The following TBC1D22A variants were observed in gnomAD, a reference collection of about 807,000 sequenced individuals.
The protein encoded by TBC1D22A is putative GTPase activator.
Under a neutral mutation model 60.2 loss-of-function variants are expected in TBC1D22A, and 38 were observed. The observed-to-expected ratio is 0.63, with a 90% CI of 0.49 to 0.83. The LOEUF is 0.83. Among genes scored for constraint, TBC1D22A ranks in the 40% least tolerant of loss-of-function variants. The pLI, the probability that TBC1D22A is intolerant of heterozygous loss-of-function variation, is 0.00. For missense variants in TBC1D22A, 628 were observed against 701.0 expected, an observed-to-expected ratio of 0.90 and a Z score of 1.18; for synonymous variants, 302 against 281.7, an observed-to-expected ratio of 1.07 and a Z score of -0.72.
In TBC1D22A at chr22:46,774,146, C is replaced by G. The variant is rs186895700; in HGVS notation, c.62+11298C>G. The G allele has an allele frequency of 1.8e-4, 180 of 985,612 alleles. No homozygotes were observed. In the African/African-American group the frequency reaches 2.9e-3, roughly 16 times the overall value. 61.1% of individuals were successfully genotyped at this position (985,612 alleles called of 1,614,324 possible). On this transcript the variant is annotated intron_variant, in intron 1 of 12. Transcript: ENST00000337137. Reference sequence around the variant, plus strand: ...TGCTGGGCCTGCCTGCCCTTGGAGCCCTGCTGAGCTCAGCCTGAGGCCTGG... The same window carrying G: ...TGCTGGGCCTGCCTGCCCTTGGAGCGCTGCTGAGCTCAGCCTGAGGCCTGG...
In TBC1D22A at chr22:47,115,557, G is replaced by T. The variant is rs200416282; in HGVS notation, c.1425+3954G>T. On this transcript the variant is annotated intron_variant, in intron 12 of 12. Coordinates refer to ENST00000337137, the MANE Select transcript of TBC1D22A (RefSeq NM_014346.5). ...GAAAGTTGTGTGTCCCGCGGTGCCC[G>T]CTTGGTGCCCTCTACCCCGTCCTTG... is the stretch of plus-strand genomic sequence containing the variant. 2.0e-5 allele frequency among the ~76,000 whole-genome samples: 3 copies of T among 152,310 alleles called. No individual in the cohort carries two copies. The East Asian group carries it at 5.8e-4, about 29-fold the overall frequency.
intron 12 of TBC1D22A, among the ~76,000 whole-genome samples, chr22:47,145,821 C>T (rs911822449): frequency 1.7e-4 from 26 of 152,138 alleles, no homozygotes; most frequent in South Asian, 2.1e-4. Flanking sequence ...CAGCCTGGGT[C>T]GGCCTCAGCC....
chr22:47,085,329 A>G (rs964710990), intron 11 of TBC1D22A, among the ~76,000 whole-genome samples: 2 of 152,208 alleles, frequency 1.3e-5, no homozygotes, highest in Non-Finnish European at 2.9e-5. Context: ...ACCATTTAAA[A>G]CTATAAAAAT....
At chr22:47,035,087 C>T (rs1364491077) in intron 10 of TBC1D22A, among the ~76,000 whole-genome samples, 1 of 152,122 alleles carries the variant, frequency 6.6e-6, no homozygotes, top group African/African-American at 2.4e-5. Flanking sequence ...GTAGTCTGCG[C>T]CAGACCTCTT....
At chr22:47,059,796 C>T (rs2063508843) in intron 11 of TBC1D22A, among the ~76,000 whole-genome samples, 1 of 152,176 alleles carries the variant, frequency 6.6e-6, no homozygotes, top group Non-Finnish European at 1.5e-5. Flanking sequence ...TTTACGGTAA[C>T]AGCAGGGATC....
At chr22:46,856,487 T>C (rs182926820) in intron 4 of TBC1D22A, among the ~76,000 whole-genome samples, 36 of 152,364 alleles carry the variant, frequency 2.4e-4, no homozygotes, top group Non-Finnish European at 4.6e-4. Flanking sequence ...TGAAAGGATT[T>C]AGATTTTTAA....
At chr22:47,146,881 C>G (rs2067303888) in intron 12 of TBC1D22A, among the ~76,000 whole-genome samples, 1 of 152,218 alleles carries the variant, frequency 6.6e-6, no homozygotes, top group Non-Finnish European at 1.5e-5. Context: ...GGCTGTCTGC[C>G]CACCCGGAAA....
intron 8 of TBC1D22A, among the ~76,000 whole-genome samples, chr22:46,964,402 G>T (rs1006273994): frequency 6.6e-6 from 1 of 152,226 alleles, no homozygotes; most frequent in Non-Finnish European, 1.5e-5. Flanking sequence ...AGCCAGGAAG[G>T]CCTGAGAAGC....
At chr22:47,022,004 C>A (rs1313226652) in intron 10 of TBC1D22A, among the ~76,000 whole-genome samples, 1 of 152,224 alleles carries the variant, frequency 6.6e-6, no homozygotes, top group Admixed American at 6.5e-5. Flanking sequence ...CCCTTCCACT[C>A]CACAGGCTGG....
intron 4 of TBC1D22A, among the ~76,000 whole-genome samples, chr22:46,836,883 G>C (rs1178458810): frequency 6.6e-6 from 1 of 152,088 alleles, no homozygotes; most frequent in African/African-American, 2.4e-5. Flanking sequence ...AAGAGGTTGG[G>C]TGCAGTGGCT....
chr22:47,138,375 A>G (rs2066954080), intron 12 of TBC1D22A, among the ~76,000 whole-genome samples: 1 of 151,204 alleles, frequency 6.6e-6, no homozygotes, highest in Admixed American at 6.6e-5. Context: ...GAGCAGTAGG[A>G]CACACAGACC....
intron 9 of TBC1D22A, among the ~76,000 whole-genome samples, chr22:46,974,884 G>A (rs576004696): frequency 1.0e-3 from 155 of 152,358 alleles, no homozygotes; most frequent in African/African-American, 3.2e-3. Context: ...AGAGCAACAC[G>A]AGCTGGTGGG....
At chr22:46,775,138 C>G (rs1491001598) in intron 1 of TBC1D22A, among the ~76,000 whole-genome samples, 1 of 152,236 alleles carries the variant, frequency 6.6e-6, no homozygotes, top group African/African-American at 2.4e-5. Context: ...GAGGACAGGG[C>G]AGAGGACCCG....
Position 46,953,101 on chromosome 22 carries a change from G to A in TBC1D22A, c.1016-21189G>A, listed in dbSNP as rs567563598. ...GGGGTCATACTTCACTTCCTTGAGG[G>A]GAGAGCATGTTCAGAAATTATTTGG... On this transcript the variant is annotated intron_variant, in intron 8 of 12. Coordinates refer to ENST00000337137, the MANE Select transcript of TBC1D22A (RefSeq NM_014346.5). 2.6e-5 allele frequency among the ~76,000 whole-genome samples: 4 copies of A among 152,210 alleles called. No homozygotes were observed. In the East Asian group the frequency reaches 7.7e-4, roughly 29 times the overall value.
chr22:47,101,126 G>A (rs1387093618), intron 11 of TBC1D22A, among the ~76,000 whole-genome samples: 1 of 152,194 alleles, frequency 6.6e-6, no homozygotes, highest in East Asian at 1.9e-4. Context: ...TTTCATTAGC[G>A]ATTAAGAGAG....
chr22:47,038,851 T>C (rs959304815), intron 11 of TBC1D22A, among the ~76,000 whole-genome samples: 3 of 152,218 alleles, frequency 2.0e-5, no homozygotes, highest in African/African-American at 7.2e-5. Flanking sequence ...GCCAGCAGCA[T>C]TTGCTGGGAC....
At position 46,996,561 on chromosome 22, in the gene TBC1D22A, A is replaced by G. The variant is rs141454146; in HGVS notation, c.1126-1073A>G. Among the ~76,000 whole-genome samples, 412 of 152,338 alleles carry G rather than the reference A, an allele frequency of 2.7e-3. 4 individuals carry two copies. Among genetic ancestry groups the G allele is most frequent in the Admixed American group, 0.021 (327 of 15,306 alleles). On this transcript the variant is annotated intron_variant, in intron 9 of 12. Coordinates refer to ENST00000337137, the MANE Select transcript of TBC1D22A (RefSeq NM_014346.5). ...CACATCCACAGGTTACAGGGAGTGG[A>G]ACCTTGGCATCTTTGGGGCTGGTTA...
At chr22:47,092,670 C>T (rs372445820) in intron 11 of TBC1D22A, among the ~76,000 whole-genome samples, 6 of 152,176 alleles carry the variant, frequency 3.9e-5, no homozygotes, top group African/African-American at 1.2e-4. Context: ...GAACGTGGGT[C>T]GCTCACTGAG....
chr22:46,913,646 A>G, intron 8 of TBC1D22A: 1 of 985,444 alleles, frequency 1.0e-6, no homozygotes, highest in African/African-American at 1.7e-5. Context: ...AATGCTCTTA[A>G]TGATCCTAGA....
Sources: allele counts gnomAD v4.1 joint callset (sites outside exome capture counted in the v4.1 genomes callset), GRCh38; gene constraint gnomAD v4.1.1; transcripts MANE v1.5; gene names NCBI Gene and HGNC (gene_info 2026-07-23, HGNC 2026-07-21).